Variants in TMEM164 observed in about 807,000 individuals in gnomAD.
TMEM164 encodes the protein transmembrane protein 164, also known as RP13-360B22.2.
Under a neutral mutation model 18.8 loss-of-function variants are expected in TMEM164, and 4 were observed. The ratio of observed to expected loss-of-function variants is 0.21; its 90% confidence interval spans 0.10 to 0.49. TMEM164 has a LOEUF of 0.49. Among genes scored for constraint, TMEM164 ranks in the 20% least tolerant of loss-of-function variants. The pLI is 0.98. For synonymous variants in TMEM164, 86 were observed against 101.7 expected (o/e 0.85, Z 0.93); for missense variants, 108 against 239.9 (o/e 0.45, Z 3.63).
At chrX:110,079,898 T>C (rs1039752964) in intron 3 of TMEM164, among the ~76,000 whole-genome samples, 2 of 109,929 alleles carry the variant, frequency 1.8e-5, no homozygotes, top group African/African-American at 6.6e-5. Flanking sequence ...AGTTAATGGT[T>C]GCAGCACACC....
intron 5 of TMEM164, among the ~76,000 whole-genome samples, chrX:110,152,041 T>G (rs180693629): frequency 9.4e-6 from 1 of 106,003 alleles, no homozygotes; most frequent in Admixed American, 9.9e-5. Context: ...TCTTCTTTTT[T>G]TTTTCTTTTC....
chrX:110,032,873 A>G (rs1392989319), intron 2 of TMEM164, among the ~76,000 whole-genome samples: 9 of 112,172 alleles, frequency 8.0e-5, no homozygotes, highest in Non-Finnish European at 1.1e-4. Context: ...TTAATAAGAC[A>G]TTTGTCAAGG....
chrX:110,112,187 G>T (rs961305693), intron 4 of TMEM164, among the ~76,000 whole-genome samples: 1 of 111,419 alleles, frequency 9.0e-6, no homozygotes, highest in African/African-American at 3.3e-5. Context: ...ACAAAAATTA[G>T]CTGGGCGTGG....
intron 5 of TMEM164, among the ~76,000 whole-genome samples, chrX:110,147,452 G>A (rs1405376726): frequency 4.5e-5 from 5 of 111,277 alleles, no homozygotes. Context: ...CTCTGCATGG[G>A]GCACAGAGCC....
At chrX:110,084,392 A>AT (rs1186064918) in intron 3 of TMEM164, among the ~76,000 whole-genome samples, 6 of 1,806 alleles carry the variant, frequency 3.3e-3, no homozygotes, top group African/African-American at 9.8e-3. Context: ...ATATATATAT[A>AT]GTATAGTATA....
At chrX:110,111,924 G>A (rs2066295629) in intron 4 of TMEM164, among the ~76,000 whole-genome samples, 1 of 111,418 alleles carries the variant, frequency 9.0e-6, no homozygotes, top group Middle Eastern at 4.6e-3. Context: ...AACAGTAGCG[G>A]TTGCTGGGTG....
intron 5 of TMEM164, among the ~76,000 whole-genome samples, chrX:110,162,284 G>A (rs1004884812): frequency 1.8e-5 from 2 of 112,679 alleles, no homozygotes; most frequent in African/African-American, 6.4e-5. Flanking sequence ...ATTCTGCTAG[G>A]TCAGGTCCAC....
At chrX:110,074,301 G>T (rs2065640734) in intron 3 of TMEM164, among the ~76,000 whole-genome samples, 1 of 111,590 alleles carries the variant, frequency 9.0e-6, no homozygotes, top group African/African-American at 3.3e-5. Context: ...TTTTAGTCAG[G>T]TTATTTGTTT....
At chrX:110,060,788 GC>G (rs1311102011) in intron 2 of TMEM164, among the ~76,000 whole-genome samples, 5 of 111,629 alleles carry the variant, frequency 4.5e-5, no homozygotes, top group African/African-American at 1.6e-4. Context: ...TCTGTAGAAT[GC>G]CCCTGATTTG....
At chrX:110,157,413 G>A (rs1191241141) in intron 5 of TMEM164, among the ~76,000 whole-genome samples, 4 of 111,559 alleles carry the variant, frequency 3.6e-5, no homozygotes, top group African/African-American at 1.3e-4. Flanking sequence ...GTGTTACAGA[G>A]CCAAGGGAGG....
chrX:110,085,119 A>AC (rs2065831927), intron 3 of TMEM164, among the ~76,000 whole-genome samples: 6 of 106,691 alleles, frequency 5.6e-5, no homozygotes, highest in Admixed American at 4.1e-4. Context: ...TCAGAGTGAT[A>AC]TGCATTTTCC....
At position 110,003,703 on chromosome X, in the gene TMEM164, G is replaced by A; in HGVS notation, c.-72G>A. On this transcript the variant is annotated 5_prime_UTR_variant, in exon 2 of 7. Transcript: ENST00000372068. Reference sequence around the variant, plus strand: ...GCCCGCCTTACATGGTCCACCACCCGGGCAACCCTCTGGGCTTGTGTTCCA... The same window carrying A: ...GCCCGCCTTACATGGTCCACCACCCAGGCAACCCTCTGGGCTTGTGTTCCA... 2 of 1,118,991 alleles carry A rather than the reference G, an allele frequency of 1.8e-6. No individual in the cohort carries two copies. The highest frequency in any genetic ancestry group is 2.4e-6 in the Non-Finnish European group (2 of 844,998). 92.2% of individuals were successfully genotyped at this position (1,118,991 alleles called of 1,213,427 possible). A position where few individuals can be genotyped will look rare whatever the true frequency, so the allele number is the denominator to read the frequency against.
intron 4 of TMEM164, among the ~76,000 whole-genome samples, chrX:110,123,591 C>G (rs1396841385): frequency 8.9e-6 from 1 of 112,181 alleles, no homozygotes; most frequent in African/African-American, 3.2e-5. Context: ...GAATGAGATG[C>G]CTTTGGTTAA....
At chrX:110,138,660 T>A (rs1357336518) in intron 4 of TMEM164, among the ~76,000 whole-genome samples, 1 of 112,010 alleles carries the variant, frequency 8.9e-6, no homozygotes, top group Non-Finnish European at 1.9e-5. Context: ...CTATTCAGGA[T>A]GAGGGAATGA....
chrX:110,071,703 G>A, intron 3 of TMEM164, among the ~76,000 whole-genome samples: 1 of 61,927 alleles, frequency 1.6e-5, no homozygotes, highest in Non-Finnish European at 3.0e-5. Context: ...AACATACCAG[G>A]ACTTTGTCTC....
intron 5 of TMEM164, among the ~76,000 whole-genome samples, chrX:110,168,459 C>A (rs753557391): frequency 8.9e-6 from 1 of 112,625 alleles, no homozygotes; most frequent in African/African-American, 3.2e-5. Context: ...GTTGAGCTCC[C>A]TAGTGAGTCC....
intron 5 of TMEM164, among the ~76,000 whole-genome samples, chrX:110,167,256 C>T (rs1378030944): frequency 8.9e-6 from 1 of 112,391 alleles, no homozygotes; most frequent in Non-Finnish European, 1.9e-5. Context: ...CCTCAGCCCA[C>T]CAGCAGGAAA....
chrX:110,105,703 CACACACACACACACACAG>C (rs2066182295), intron 3 of TMEM164, among the ~76,000 whole-genome samples: 1 of 98,565 alleles, frequency 1.0e-5, no homozygotes, highest in Non-Finnish European at 2.0e-5. Context: ...CACACACACA[CACACACACACACACACAG>C]ACACACACAC....
At position 110,042,938 on chromosome X, in the gene TMEM164, C is replaced by T. The variant is rs141686232; in HGVS notation, c.391-24409C>T. On this transcript the variant is annotated intron_variant, in intron 2 of 6. Coordinates refer to ENST00000372068, the MANE Select transcript of TMEM164 (RefSeq NM_032227.4). ...TTTGATTAGAAATTTCAGTTGCTAA[C>T]TAATATCACCCCTGGAGTTTGTATT... Among the ~76,000 whole-genome samples the T allele has an allele frequency of 6.5e-4, 73 of 112,630 alleles. No homozygotes were observed. In the East Asian group the frequency reaches 0.017, roughly 26 times the overall value.
Sources: allele counts gnomAD v4.1 joint callset (sites outside exome capture counted in the v4.1 genomes callset), GRCh38; gene constraint gnomAD v4.1.1; transcripts MANE v1.5; gene names NCBI Gene and HGNC (gene_info 2026-07-23, HGNC 2026-07-21).